RASSF3: variants seen among roughly 807,000 people sequenced by gnomAD.
RASSF3 encodes Ras association domain family member 3, also known as ras association domain-containing protein 3.
RASSF3 carries 19 observed loss-of-function variants against 19.9 expected under a neutral mutation model. The ratio of observed to expected loss-of-function variants is 0.96; its 90% CI spans 0.67 to 1.40. RASSF3 has a LOEUF of 1.40. RASSF3 is among the 40% of genes most tolerant of loss of function. The pLI, the probability that RASSF3 is intolerant of heterozygous loss-of-function variation, is 0.00. For missense variants in RASSF3, 306 were observed against 289.8 expected (o/e 1.06, Z -0.41); for synonymous variants, 110 against 104.2 (o/e 1.06, Z -0.34).
chr12:64,596,021 G>A (rs755255613), intron 2 of RASSF3, among the ~76,000 whole-genome samples: 3 of 152,210 alleles, frequency 2.0e-5, no homozygotes, highest in Non-Finnish European at 4.4e-5. Flanking sequence ...TTTGACTGTA[G>A]GTCAACAAGG....
intron 2 of RASSF3, among the ~76,000 whole-genome samples, chr12:64,559,100 C>T (rs1348761367): frequency 6.6e-6 from 1 of 152,126 alleles, no homozygotes; most frequent in East Asian, 1.9e-4. Flanking sequence ...TCCAGCTCTG[C>T]TACTGTCACT....
At chr12:64,617,352 T>C (rs1870586318) in intron 1 of RASSF3, among the ~76,000 whole-genome samples, 1 of 152,188 alleles carries the variant, frequency 6.6e-6, no homozygotes, top group African/African-American at 2.4e-5. Context: ...TGCCAGATAC[T>C]GTTCTAACCT....
chr12:64,694,541 A>G (rs1868327075), intron 4 of RASSF3, among the ~76,000 whole-genome samples: 2 of 152,140 alleles, frequency 1.3e-5, no homozygotes. Context: ...CGTCTTGAAC[A>G]GTGGGAGGAG....
At chr12:64,691,845 G>GT (rs924628226) in intron 4 of RASSF3, among the ~76,000 whole-genome samples, 3 of 150,262 alleles carry the variant, frequency 2.0e-5, no homozygotes, top group Non-Finnish European at 4.4e-5. Flanking sequence ...AGAAAATAAA[G>GT]TTTTTTTACT....
rs183310669 is a variant in RASSF3, at chr12:64,592,408, A to G, written c.294+50703A>G. On this transcript the variant is annotated intron_variant, in intron 2 of 5. Transcript: ENST00000637125. ...ATTTAGGTTGTTTCCTTTTTTTGTT[A>G]CTATAAATAATGGTACAGTCTTAAC... Among the ~76,000 whole-genome samples the G allele has an allele frequency of 4.5e-3, 684 of 152,162 alleles. 3 individuals carry two copies. The highest frequency in any genetic ancestry group is 7.5e-3 in the Non-Finnish European group (507 of 67,998).
chr12:64,566,522 A>G (rs1869434423), intron 2 of RASSF3, among the ~76,000 whole-genome samples: 1 of 152,196 alleles, frequency 6.6e-6, no homozygotes, highest in African/African-American at 2.4e-5. Context: ...GAAAGGAGAG[A>G]CAGAGCCTCA....
rs958729718 is a variant in RASSF3 at position 64,576,213 on chromosome 12, G to T, written c.294+34508G>T. On this transcript the variant is annotated intron_variant, in intron 2 of 5. Transcript: ENST00000637125. ...TGGCTCAAAAATAAACAAACCAAAG[G>T]AACAGAACTGAGGGCCTAGAAACAG... Among the ~76,000 whole-genome samples, 4 of 152,146 alleles carry T rather than the reference G, an allele frequency of 2.6e-5. No homozygotes were observed. The South Asian group carries it at 8.3e-4, about 32-fold the overall frequency.
Position 64,690,475 on chromosome 12 carries a change from A to G in RASSF3, c.458-995A>G, listed in dbSNP as rs570035187. Among the ~76,000 whole-genome samples the G allele has an allele frequency of 3.3e-5, 5 of 151,710 alleles. No homozygotes were observed. In the South Asian group the frequency reaches 8.4e-4, roughly 25 times the overall value. ...GCTGGGATTACAGGTATGAGCCACC[A>G]CGCCTGGCCTTGGTTTTTGAGACAG... On this transcript the variant is annotated intron_variant, in intron 3 of 4. Transcript: ENST00000542104.
At chr12:64,546,871 G>A (rs1869072984) in intron 2 of RASSF3, among the ~76,000 whole-genome samples, 1 of 152,122 alleles carries the variant, frequency 6.6e-6, no homozygotes, top group Admixed American at 6.6e-5. Flanking sequence ...TCCTTGAAAA[G>A]AACTATTTAA....
chr12:64,641,283 C>G (rs1211206453), intron 1 of RASSF3, among the ~76,000 whole-genome samples: 1 of 151,906 alleles, frequency 6.6e-6, no homozygotes, highest in Non-Finnish European at 1.5e-5. Context: ...GTAATCCCAG[C>G]AACTCAGGAG....
intron 1 of RASSF3, among the ~76,000 whole-genome samples, chr12:64,634,104 G>T (rs1431894940): frequency 2.0e-5 from 3 of 152,158 alleles, no homozygotes; most frequent in African/African-American, 7.2e-5. Flanking sequence ...CTGCACTCCA[G>T]CCTGGGTGAC....
chr12:64,682,355 A>G (rs1014822512), intron 1 of RASSF3, among the ~76,000 whole-genome samples: 63 of 152,208 alleles, frequency 4.1e-4, no homozygotes, highest in Admixed American at 4.6e-4. Flanking sequence ...GCGGATCACA[A>G]GGTCAGGAGA....
chr12:64,648,587 A>G (rs1188439427), intron 1 of RASSF3, among the ~76,000 whole-genome samples: 1 of 150,906 alleles, frequency 6.6e-6, no homozygotes, highest in Admixed American at 6.6e-5. Context: ...GATTCAAGCG[A>G]TTATCCTGCC....
At chr12:64,646,395 T>C (rs557585157) in intron 1 of RASSF3, among the ~76,000 whole-genome samples, 2 of 152,308 alleles carry the variant, frequency 1.3e-5, no homozygotes, top group South Asian at 4.1e-4. Context: ...CCATTTTTAA[T>C]TGTGTCTTCA....
chr12:64,633,013 ATAAATC>A (rs1871215359), intron 1 of RASSF3, among the ~76,000 whole-genome samples: 2 of 152,226 alleles, frequency 1.3e-5, no homozygotes, highest in Non-Finnish European at 2.9e-5. Context: ...AAGCTAGAAA[ATAAATC>A]TAAGCAGTTT....
chr12:64,645,104 A>G (rs1181620772), intron 1 of RASSF3, among the ~76,000 whole-genome samples: 1 of 151,922 alleles, frequency 6.6e-6, no homozygotes, highest in Non-Finnish European at 1.5e-5. Flanking sequence ...GCTGAGAGAG[A>G]TTTTCTGAAT....
chr12:64,651,697 C>T (rs1389036678), intron 1 of RASSF3, among the ~76,000 whole-genome samples: 2 of 152,126 alleles, frequency 1.3e-5, no homozygotes, highest in African/African-American at 4.8e-5. Context: ...CATGGTCTCA[C>T]TGTTACCCAG....
At chr12:64,510,824 T>C (rs1463761257) in intron 1 of RASSF3, among the ~76,000 whole-genome samples, 3 of 152,172 alleles carry the variant, frequency 2.0e-5, no homozygotes, top group Non-Finnish European at 4.4e-5. Flanking sequence ...GAACCCAAGC[T>C]ATATATAAAA....
chr12:64,587,469 G>C (rs1869832513), intron 2 of RASSF3, among the ~76,000 whole-genome samples: 1 of 152,132 alleles, frequency 6.6e-6, no homozygotes, highest in Admixed American at 6.6e-5. Context: ...AACCTAATTT[G>C]GCTGTTTCAT....
Sources: allele counts gnomAD v4.1 joint callset (sites outside exome capture counted in the v4.1 genomes callset), GRCh38; gene constraint gnomAD v4.1.1; transcripts MANE v1.5; gene names NCBI Gene and HGNC (gene_info 2026-07-23, HGNC 2026-07-21).